The following VWA8 variants were observed in gnomAD, a reference collection of about 807,000 sequenced individuals.
VWA8 encodes von Willebrand factor A domain containing 8.
Under a neutral mutation model 241.5 loss-of-function variants are expected in VWA8, and 221 were observed. That is an observed-to-expected ratio of 0.91 (90% CI 0.82 to 1.02). The LOEUF (loss-of-function observed/expected upper bound fraction) is 1.02. VWA8 is among the 50% of genes least tolerant of loss of function. The pLI is 0.00. For missense variants in VWA8, 2,322 were observed against 2,328.7 expected, an observed-to-expected ratio of 1.00 and a Z score of 0.06; for synonymous variants, 852 against 827.1, an observed-to-expected ratio of 1.03 and a Z score of -0.52.
chr13:41,704,625 C>T (rs916554971), intron 26 of VWA8, among the ~76,000 whole-genome samples: 15 of 151,936 alleles, frequency 9.9e-5, no homozygotes, highest in Non-Finnish European at 1.9e-4. Flanking sequence ...CTATGCCTGG[C>T]TAATTTTTTT....
At chr13:41,645,572 G>C (rs2044825984) in intron 37 of VWA8, among the ~76,000 whole-genome samples, 1 of 152,168 alleles carries the variant, frequency 6.6e-6, no homozygotes, top group Non-Finnish European at 1.5e-5. Flanking sequence ...ATTAGGACTT[G>C]ATTACTTCTG....
At chr13:41,618,058 C>A (rs1036858153) in intron 37 of VWA8, among the ~76,000 whole-genome samples, 11 of 152,216 alleles carry the variant, frequency 7.2e-5, no homozygotes, top group Non-Finnish European at 1.3e-4. Flanking sequence ...GCCACACTGT[C>A]TTCCACAATG....
intron 37 of VWA8, among the ~76,000 whole-genome samples, chr13:41,618,081 T>C (rs1288884184): frequency 1.3e-5 from 2 of 152,214 alleles, no homozygotes; most frequent in Non-Finnish European, 2.9e-5. Context: ...TGAACTAGTT[T>C]ACAGTCCCAC....
intron 14 of VWA8, among the ~76,000 whole-genome samples, chr13:41,823,695 G>A (rs1025667597): frequency 1.3e-5 from 2 of 152,068 alleles, no homozygotes; most frequent in African/African-American, 2.4e-5. Context: ...CTGGTGTCTT[G>A]TAATATGAGA....
intron 43 of VWA8, among the ~76,000 whole-genome samples, chr13:41,574,170 T>C (rs1355167698): frequency 1.5e-5 from 2 of 131,922 alleles, no homozygotes; most frequent in East Asian, 2.2e-4. Flanking sequence ...AGAAAAGTTT[T>C]CTGTAAAAAA....
At chr13:41,614,485 A>G (rs2044608828) in intron 38 of VWA8, among the ~76,000 whole-genome samples, 1 of 152,210 alleles carries the variant, frequency 6.6e-6, no homozygotes, top group Non-Finnish European at 1.5e-5. Flanking sequence ...GAAATCTTGC[A>G]TCCTCAACGT....
intron 37 of VWA8, among the ~76,000 whole-genome samples, chr13:41,646,413 T>C (rs1311131000): frequency 6.6e-6 from 1 of 152,256 alleles, no homozygotes; most frequent in Non-Finnish European, 1.5e-5. Flanking sequence ...ATTTTAAATA[T>C]ACTACTTCTG....
In VWA8 at chr13:41,883,456, G is replaced by A. The variant is rs752088997; in HGVS notation, c.1011C>T (p.Ile337=). 5 of 1,613,504 alleles carry A rather than the reference G, an allele frequency of 3.1e-6. No individual in the cohort carries two copies. The highest frequency in any genetic ancestry group is 4.2e-6 in the Non-Finnish European group (5 of 1,179,746). The change falls in exon 9 of 45, where the codon ATC becomes ATT. Residue 337 remains isoleucine, a synonymous_variant. Coordinates refer to ENST00000379310, the MANE Select transcript of VWA8 (RefSeq NM_015058.2). Reference sequence around the variant, plus strand: ...AAATACTATATGGATAAAGCCACTGGATTGCATGTTTGATTGGCATCATAG... The same window carrying A: ...AAATACTATATGGATAAAGCCACTGAATTGCATGTTTGATTGGCATCATAG... ...SFPMMPIKHA[I]QWLYPYSILL...
intron 42 of VWA8, among the ~76,000 whole-genome samples, chr13:41,582,417 C>T (rs1239550161): frequency 1.3e-5 from 2 of 152,144 alleles, no homozygotes; most frequent in African/African-American, 2.4e-5. Context: ...CCAGCGGCTT[C>T]TGAAGGTTTC....
intron 4 of VWA8, among the ~76,000 whole-genome samples, chr13:41,892,470 T>G (rs1158319503): frequency 6.6e-6 from 1 of 152,194 alleles, no homozygotes; most frequent in Non-Finnish European, 1.5e-5. Context: ...CTAGGAAAAT[T>G]GTTTTGTCTT....
At chr13:41,714,628 T>C (rs1323843268) in intron 26 of VWA8, among the ~76,000 whole-genome samples, 1 of 151,996 alleles carries the variant, frequency 6.6e-6, no homozygotes, top group African/African-American at 2.4e-5. Flanking sequence ...GGTTTTTATT[T>C]TTCTAAGTGA....
intron 12 of VWA8, chr13:41,864,464 T>G: frequency 3.5e-6 from 1 of 283,904 alleles, no homozygotes; most frequent in East Asian, 1.1e-4. Flanking sequence ...AAACAAAGAG[T>G]GGTATAGACA....
chr13:41,664,808 C>T (rs1218842068), intron 37 of VWA8, among the ~76,000 whole-genome samples: 2 of 152,046 alleles, frequency 1.3e-5, no homozygotes, highest in African/African-American at 4.8e-5. Context: ...TCCAATTTGC[C>T]CTGTGTTTTT....
At chr13:41,663,284 C>T (rs35493498) in intron 37 of VWA8, among the ~76,000 whole-genome samples, 2,902 of 152,202 alleles carry the variant, frequency 0.019, 54 homozygotes, top group African/African-American at 0.051. Flanking sequence ...TTAATCTCTA[C>T]TTCTGAGGAA....
intron 26 of VWA8, chr13:41,719,224 A>AT: frequency 2.0e-6 from 1 of 499,004 alleles, no homozygotes; most frequent in Non-Finnish European, 2.6e-6. Flanking sequence ...AAATAAGAAC[A>AT]TATCAACTAA....
At chr13:41,810,516 C>G (rs192230557) in intron 17 of VWA8, among the ~76,000 whole-genome samples, 6 of 152,098 alleles carry the variant, frequency 3.9e-5, no homozygotes, top group Admixed American at 3.9e-4. Flanking sequence ...CTGAAATAAG[C>G]CATGCATAGA....
At chr13:41,757,444 T>A (rs918353854) in intron 21 of VWA8, among the ~76,000 whole-genome samples, 1 of 151,724 alleles carries the variant, frequency 6.6e-6, no homozygotes, top group East Asian at 1.9e-4. Context: ...AAAAAATAAT[T>A]ACAACCTTTA....
chr13:41,660,826 G>C (rs959188151), intron 37 of VWA8, among the ~76,000 whole-genome samples: 4 of 151,474 alleles, frequency 2.6e-5, no homozygotes, highest in Non-Finnish European at 4.4e-5. Flanking sequence ...TTCATCAAAG[G>C]AAAGAGTATT....
At chr13:41,763,684 C>T (rs1289834514) in intron 20 of VWA8, among the ~76,000 whole-genome samples, 1 of 152,116 alleles carries the variant, frequency 6.6e-6, no homozygotes, top group East Asian at 1.9e-4. Flanking sequence ...TTAAATTCAG[C>T]AATCCTAGGA....
Sources: allele counts gnomAD v4.1 joint callset (sites outside exome capture counted in the v4.1 genomes callset), GRCh38; gene constraint gnomAD v4.1.1; transcripts MANE v1.5; gene names NCBI Gene and HGNC (gene_info 2026-07-23, HGNC 2026-07-21).